The following PRCP variants were observed in gnomAD, a reference collection of about 807,000 sequenced individuals.
PRCP encodes prolylcarboxypeptidase.
In PRCP, 46 loss-of-function variants were observed where a neutral mutation model predicts 54.2. That is an observed-to-expected ratio of 0.85 (90% CI 0.67 to 1.09). The LOEUF is 1.09. Ranked by LOEUF, PRCP falls within the 50% of genes least tolerant of loss-of-function variation. The probability of loss-of-function intolerance (pLI) is 0.00; values close to 1 mark genes in which losing one functional copy is unlikely to be tolerated. For missense variants in PRCP, 613 were observed against 596.8 expected (o/e 1.03, Z -0.28); for synonymous variants, 240 against 212.2 (o/e 1.13, Z -1.14).
At chr11:82,900,742 C>T (rs76758200), upstream of PRCP, 2,864 of 501,338 alleles carry the variant, frequency 5.7e-3, 79 homozygotes, top group African/African-American at 0.051. Flanking sequence ...TATAGCGCCC[C>T]CGAAGCCCAC....
rs1227008473 is a variant in PRCP, at chr11:82,838,448, A to G, written c.1213T>C (p.Ser405Pro). Reference protein sequence around the residue: ...FQQWGVRPRPSWITTMYGGKN... With the variant: ...FQQWGVRPRPPWITTMYGGKN... ...CCTCCATACATAGTAGTGATCCAGG[A>G]GGGCCTTGGTCTCACACCCCACTGT... Residue 405 changes from serine to proline, a missense_variant, in exon 8 of 9, where the codon TCC becomes CCC. By Grantham distance (74) the Ser-to-Pro change is moderately conservative (BLOSUM62 -1). Coordinates refer to ENST00000313010, the MANE Select transcript of PRCP (RefSeq NM_005040.4). 1 of 1,613,962 alleles carries G rather than the reference A, an allele frequency of 6.2e-7. No individual in the cohort carries two copies. The highest frequency in any genetic ancestry group is 8.5e-7 in the Non-Finnish European group (1 of 1,179,962).
At chr11:82,850,636 A>C (rs769678223) in intron 3 of PRCP, 131 bp from the exon 4 acceptor site, 31 of 603,596 alleles carry the variant, frequency 5.1e-5, no homozygotes, top group Non-Finnish European at 7.7e-5. Flanking sequence ...AATTGAGCTA[A>C]AATGCCTAGT....
chr11:82,839,393 T>C lies in PRCP; in HGVS notation c.954A>G (p.Val318=). 6.2e-7 allele frequency: 1 copy of C among 1,613,248 alleles called. No individual in the cohort carries two copies. The highest frequency in any genetic ancestry group is 8.5e-7 in the Non-Finnish European group (1 of 1,179,610). ...VVCQYLKNPN[V]SDSLLLQNIF... is the part of the protein sequence containing the mutation. ...TATTCTGCAGCAGCAGTGAATCAGA[T>C]ACATTGGGATTTTTCAAATACTGGC... Residue 318 remains valine, a synonymous_variant, in exon 7 of 9, where the codon GTA becomes GTG. Coordinates refer to ENST00000313010, the MANE Select transcript of PRCP (RefSeq NM_005040.4).
rs567683839 is a variant in PRCP, at chr11:82,850,114, A to T, written c.594-43T>A. On this transcript the variant is annotated intron_variant, in intron 4 of 8. Transcript: ENST00000313010. The stretch of plus-strand genomic sequence containing the variant: ...CAAAGAAAGAAAAAAGAAAAGAAAA[A>T]ATATATATATATATTATATATATGT... 259 of 816,410 alleles carry T rather than the reference A, an allele frequency of 3.2e-4. 2 individuals are homozygous for T. The East Asian group carries it at 3.7e-3, about 12-fold the overall frequency. The allele number at this position is 816,410 out of a possible 1,614,324, so 50.6% of individuals were successfully genotyped here.
intron 1 of PRCP, among the ~76,000 whole-genome samples, chr11:82,874,362 C>G (rs905062118): frequency 2.6e-5 from 4 of 152,144 alleles, no homozygotes; most frequent in East Asian, 3.9e-4. Flanking sequence ...AAAAAACAAA[C>G]AAGCAAATAC....
intron 8 of PRCP, chr11:82,828,975 C>A (rs1399291606): frequency 2.0e-5 from 3 of 152,162 alleles, no homozygotes; most frequent in Non-Finnish European, 4.4e-5. Context: ...CATTGTTTAA[C>A]ACACAATCTG....
chr11:82,863,476 A>C (rs1859257361), intron 1 of PRCP, among the ~76,000 whole-genome samples: 1 of 152,200 alleles, frequency 6.6e-6, no homozygotes. Context: ...GTTGGACTTA[A>C]AGAAAGGAAG....
intron 8 of PRCP, among the ~76,000 whole-genome samples, chr11:82,831,872 C>A (rs986310080): frequency 2.0e-5 from 3 of 152,100 alleles, no homozygotes; most frequent in African/African-American, 7.2e-5. Context: ...CCTCCCCAAC[C>A]CTCACCCCCC....
At chr11:82,867,668 C>T (rs927774726) in intron 1 of PRCP, among the ~76,000 whole-genome samples, 5 of 152,160 alleles carry the variant, frequency 3.3e-5, no homozygotes, top group Non-Finnish European at 5.9e-5. Flanking sequence ...GGAAATGACA[C>T]ACCACCAGAG....
chr11:82,853,001 CT>C (rs3216129), intron 3 of PRCP, among the ~76,000 whole-genome samples, 175 bp downstream of exon 3: 17,445 of 151,812 alleles, frequency 0.11, 1,901 homozygotes, highest in African/African-American at 0.29. Flanking sequence ...AATAAAATGG[CT>C]TAAAAAAAAC....
intron 1 of PRCP, among the ~76,000 whole-genome samples, chr11:82,887,846 C>A (rs1859901544): frequency 6.6e-6 from 1 of 152,136 alleles, no homozygotes. Flanking sequence ...GACACTACAT[C>A]CAGGAGGAAA....
intron 1 of PRCP, among the ~76,000 whole-genome samples, chr11:82,884,130 A>C (rs1859812592): frequency 6.6e-6 from 1 of 152,198 alleles, no homozygotes; most frequent in South Asian, 2.1e-4. Context: ...AAATGATAAC[A>C]AGTACTTCCT....
At chr11:82,893,686 G>A (rs930456526) in intron 1 of PRCP, among the ~76,000 whole-genome samples, 1 of 152,104 alleles carries the variant, frequency 6.6e-6, no homozygotes, top group African/African-American at 2.4e-5. Flanking sequence ...CCAGCTACCC[G>A]GGATGCTGAG....
chr11:82,876,302 A>T (rs555479729), intron 1 of PRCP, among the ~76,000 whole-genome samples: 2 of 152,344 alleles, frequency 1.3e-5, no homozygotes, highest in South Asian at 4.1e-4. Context: ...GGTTGCAAGG[A>T]TTCAAAGTGG....
intron 6 of PRCP, chr11:82,840,856 G>C (rs1865063030): frequency 1.3e-5 from 2 of 151,804 alleles, no homozygotes; most frequent in African/African-American, 4.8e-5. Flanking sequence ...ATAGGGCCTA[G>C]ATTTGTTCCC....
At chr11:82,838,312 C>A (rs767601825) in intron 8 of PRCP, 75 bp downstream of exon 8, 1 of 1,368,812 alleles carries the variant, frequency 7.3e-7, no homozygotes, top group East Asian at 2.3e-5. Context: ...TCCAGCATTT[C>A]CCTGGTTCTG....
chr11:82,868,919 T>C (rs1323748917), intron 1 of PRCP, among the ~76,000 whole-genome samples: 2 of 151,622 alleles, frequency 1.3e-5, no homozygotes, highest in African/African-American at 2.4e-5. Flanking sequence ...GCCTATAATC[T>C]CAGCTACTTG....
chr11:82,884,738 A>T (rs1361244221), intron 1 of PRCP: 9 of 1,591,920 alleles, frequency 5.7e-6, no homozygotes, highest in South Asian at 1.1e-5. Context: ...TTTCAGTGCC[A>T]TCTTGGCCAT....
chr11:82,847,436 T>C (rs1858834300), intron 6 of PRCP, among the ~76,000 whole-genome samples: 1 of 152,178 alleles, frequency 6.6e-6, no homozygotes, highest in African/African-American at 2.4e-5. Context: ...ATTATACCTC[T>C]TTTTCTACAC....
Sources: gnomAD v4.1 joint callset for allele counts (sites outside exome capture counted in the v4.1 genomes callset) on GRCh38, gnomAD v4.1.1 for gene constraint, MANE v1.5 for transcripts, NCBI Gene and HGNC (gene_info 2026-07-23, HGNC 2026-07-21) for gene names.